Variants in CADM2 observed in about 807,000 individuals in gnomAD.
The protein encoded by CADM2 is immunoglobulin superfamily member 4D.
A neutral mutation model predicts 49.8 loss-of-function variants in CADM2; 12 were observed. The observed-to-expected ratio is 0.24, with a 90% CI of 0.15 to 0.39. The LOEUF (loss-of-function observed/expected upper bound fraction) is 0.39. CADM2 is among the 10% of genes least tolerant of loss of function. The pLI, the probability that CADM2 is intolerant of heterozygous loss-of-function variation, is 1.00. For missense variants in CADM2, 378 were observed against 492.3 expected, an observed-to-expected ratio of 0.77 and a Z score of 2.20; for synonymous variants, 214 against 175.4, an observed-to-expected ratio of 1.22 and a Z score of -1.74.
At chr3:85,761,778 A>AT (rs2069395629) in intron 2 of CADM2, among the ~76,000 whole-genome samples, 1 of 152,202 alleles carries the variant, frequency 6.6e-6, no homozygotes, top group Non-Finnish European at 1.5e-5. Context: ...TGTTAGTAGC[A>AT]TTGTGCTGTC....
chr3:85,952,588 G>A (rs1394814842), intron 7 of CADM2, among the ~76,000 whole-genome samples: 2 of 150,672 alleles, frequency 1.3e-5, no homozygotes, highest in African/African-American at 4.9e-5. Context: ...TTGTTTAATT[G>A]CTTTGTTGGT....
At chr3:85,618,893 A>G (rs1317016357) in intron 1 of CADM2, among the ~76,000 whole-genome samples, 1 of 151,920 alleles carries the variant, frequency 6.6e-6, no homozygotes, top group Non-Finnish European at 1.5e-5. Context: ...ATTTTTCTGT[A>G]AAAGAGGCAT....
At chr3:85,490,908 G>T (rs62250722) in intron 1 of CADM2, among the ~76,000 whole-genome samples, 10,491 of 151,394 alleles carry the variant, frequency 0.069, 482 homozygotes, top group Non-Finnish European at 0.1. Context: ...TAAAAAATAA[G>T]AAGAAGAAAA....
chr3:85,865,678 T>G (rs916212934), intron 3 of CADM2, among the ~76,000 whole-genome samples: 1 of 152,228 alleles, frequency 6.6e-6, no homozygotes, highest in African/African-American at 2.4e-5. Flanking sequence ...TAACCATCTC[T>G]GTATTTTTAT....
intron 1 of CADM2, among the ~76,000 whole-genome samples, chr3:85,381,561 T>G (rs1168492414): frequency 2.1e-5 from 3 of 144,342 alleles, no homozygotes; most frequent in Non-Finnish European, 3.0e-5. Context: ...AAGACTGTAG[T>G]AACAGGTTCT....
At chr3:85,198,838 A>G (rs1363135689) in intron 1 of CADM2, among the ~76,000 whole-genome samples, 1 of 151,806 alleles carries the variant, frequency 6.6e-6, no homozygotes, top group Non-Finnish European at 1.5e-5. Flanking sequence ...AAAATGGTGT[A>G]TTTCCATATT....
intron 7 of CADM2, among the ~76,000 whole-genome samples, chr3:85,961,064 T>G (rs969271908): frequency 2.0e-5 from 3 of 147,296 alleles, no homozygotes; most frequent in Non-Finnish European, 4.5e-5. Flanking sequence ...AAATTATATA[T>G]TTATATATAA....
chr3:86,041,244 A>T (rs1735875623), intron 8 of CADM2, among the ~76,000 whole-genome samples: 1 of 152,198 alleles, frequency 6.6e-6, no homozygotes, highest in Non-Finnish European at 1.5e-5. Flanking sequence ...TTAATCTTAC[A>T]TGTAAATGGA....
At chr3:85,396,934 G>T (rs1466688630) in intron 1 of CADM2, among the ~76,000 whole-genome samples, 7 of 151,984 alleles carry the variant, frequency 4.6e-5, no homozygotes, top group African/African-American at 1.4e-4. Flanking sequence ...AAGGACTTTT[G>T]TTTATCAAAA....
At chr3:85,659,472 G>A (rs1040089740) in intron 1 of CADM2, among the ~76,000 whole-genome samples, 4 of 151,532 alleles carry the variant, frequency 2.6e-5, no homozygotes, top group Admixed American at 2.0e-4. Context: ...AAAAAAAAAA[G>A]TAAACCAAAA....
chr3:85,042,737 C>T (rs2035491465), intron 1 of CADM2, among the ~76,000 whole-genome samples: 1 of 152,144 alleles, frequency 6.6e-6, no homozygotes. Context: ...AGTCTCAGGT[C>T]TCTTCCAAAC....
At chr3:85,200,270 T>C (rs550046049) in intron 1 of CADM2, among the ~76,000 whole-genome samples, 21 of 152,074 alleles carry the variant, frequency 1.4e-4, no homozygotes, top group Non-Finnish European at 1.8e-4. Context: ...TTAATTTATA[T>C]ACAAAACTGT....
chr3:85,210,311 C>G (rs1197135147), intron 1 of CADM2, among the ~76,000 whole-genome samples: 1 of 152,030 alleles, frequency 6.6e-6, no homozygotes, highest in African/African-American at 2.4e-5. Flanking sequence ...TCCATGTCTC[C>G]CTGGGGTAAA....
At chr3:85,827,238 C>T (rs1173858242) in intron 3 of CADM2, among the ~76,000 whole-genome samples, 1 of 151,874 alleles carries the variant, frequency 6.6e-6, no homozygotes, top group Non-Finnish European at 1.5e-5. Context: ...AATATATGAC[C>T]ATAAAATCTT....
At chr3:85,776,186 C>T (rs2070352110) in intron 2 of CADM2, among the ~76,000 whole-genome samples, 1 of 151,740 alleles carries the variant, frequency 6.6e-6, no homozygotes, top group South Asian at 2.1e-4. Context: ...GAAAACAAAT[C>T]ACTCATTCTA....
At chr3:85,442,388 T>C (rs1028898129) in intron 1 of CADM2, among the ~76,000 whole-genome samples, 1 of 151,886 alleles carries the variant, frequency 6.6e-6, no homozygotes. Context: ...AGCAAATGAC[T>C]ACAGACTATC....
At chr3:85,958,670 T>C (rs1577779464) in intron 7 of CADM2, among the ~76,000 whole-genome samples, 1 of 151,936 alleles carries the variant, frequency 6.6e-6, no homozygotes, top group African/African-American at 2.4e-5. Flanking sequence ...AATGATAGAC[T>C]GGATGAGGAA....
chr3:85,759,273 C>T (rs888257032), intron 2 of CADM2, among the ~76,000 whole-genome samples: 1 of 151,998 alleles, frequency 6.6e-6, no homozygotes, highest in Non-Finnish European at 1.5e-5. Flanking sequence ...CAATTTTCCT[C>T]AAATATATCC....
At chr3:85,074,424 G>A (rs894075816) in intron 1 of CADM2, among the ~76,000 whole-genome samples, 1 of 151,680 alleles carries the variant, frequency 6.6e-6, no homozygotes, top group African/African-American at 2.4e-5. Flanking sequence ...CTTATGTCTT[G>A]CCAATATAAT....
Sources: gnomAD v4.1 joint callset for allele counts (sites outside exome capture counted in the v4.1 genomes callset) on GRCh38, gnomAD v4.1.1 for gene constraint, MANE v1.5 for transcripts, NCBI Gene and HGNC (gene_info 2026-07-23, HGNC 2026-07-21) for gene names.